LCOR: variants seen among roughly 807,000 people sequenced by gnomAD.
The protein encoded by LCOR is ligand dependent nuclear receptor corepressor.
Under a neutral mutation model 64.4 loss-of-function variants are expected in LCOR, and 14 were observed. The observed-to-expected ratio is 0.22, with a 90% confidence interval of 0.14 to 0.34. The LOEUF (loss-of-function observed/expected upper bound fraction) is 0.34. LCOR is among the 10% of genes least tolerant of loss of function. LCOR has a pLI of 1.00. For missense variants in LCOR, 1,686 were observed against 1,765.3 expected, an observed-to-expected ratio of 0.96 and a Z score of 0.80; for synonymous variants, 643 against 642.5, an observed-to-expected ratio of 1.00 and a Z score of -0.01.
intron 1 of LCOR, chr10:96,833,201 GC>G: frequency 1.0e-6 from 1 of 984,202 alleles, no homozygotes; most frequent in Non-Finnish European, 1.2e-6. Flanking sequence ...GGCGGGGGTC[GC>G]TCTCGTCCCC....
At chr10:96,897,720 A>G (rs894265907) in intron 2 of LCOR, among the ~76,000 whole-genome samples, 1 of 152,046 alleles carries the variant, frequency 6.6e-6, no homozygotes, top group African/African-American at 2.4e-5. Context: ...TATCTTCACT[A>G]TGATTACAGC....
At chr10:96,902,702 C>A (rs1051691790) in intron 2 of LCOR, among the ~76,000 whole-genome samples, 3 of 152,198 alleles carry the variant, frequency 2.0e-5, no homozygotes, top group Non-Finnish European at 4.4e-5. Flanking sequence ...CATCAAGTCA[C>A]ACATCCTGAC....
rs1281960043 is a variant in LCOR at position 96,992,992 on chromosome 10, AGTG to A, written c.*7861_*7863del. 1.3e-5 allele frequency: 2 copies of A among 152,172 alleles called. No homozygotes were observed. The highest frequency in any genetic ancestry group is 2.9e-5 in the Non-Finnish European group (2 of 68,058). 9.4% of individuals were successfully genotyped at this position (152,172 alleles called of 1,614,324 possible). A position where few individuals can be genotyped will look rare whatever the true frequency, so the allele number is the denominator to read the frequency against. ...GATGTGGGCCAGTCCCCCTGTAACC[AGTG>A]GTTACAGAATGATACCATCTGTTCT... On this transcript the variant is annotated 3_prime_UTR_variant, in exon 8 of 8. Coordinates refer to ENST00000421806, the MANE Select transcript of LCOR (RefSeq NM_001346516.2).
chr10:96,882,882 G>GTTAA (rs1846285686), intron 2 of LCOR, among the ~76,000 whole-genome samples: 1 of 151,882 alleles, frequency 6.6e-6, no homozygotes, highest in Admixed American at 6.6e-5. Context: ...TCTTTAATGC[G>GTTAA]TATTACTCCA....
intron 6 of LCOR, among the ~76,000 whole-genome samples, chr10:96,951,774 G>T (rs552820399): frequency 6.6e-6 from 1 of 152,162 alleles, no homozygotes; most frequent in South Asian, 2.1e-4. Context: ...TTAGAAAATG[G>T]AGTCTTAAAA....
At chr10:96,844,687 G>T (rs900892129) in intron 2 of LCOR, among the ~76,000 whole-genome samples, 1 of 151,964 alleles carries the variant, frequency 6.6e-6, no homozygotes, top group African/African-American at 2.4e-5. Context: ...TTCTTATCTT[G>T]TTCAACTGGC....
chr10:96,860,003 T>C (rs1462320518), intron 2 of LCOR, among the ~76,000 whole-genome samples: 1 of 152,166 alleles, frequency 6.6e-6, no homozygotes, highest in Non-Finnish European at 1.5e-5. Context: ...GTGCCCGCTT[T>C]TGGAGAGGGG....
chr10:96,991,877 T>TC lies in LCOR; in HGVS notation c.*6747dup, dbSNP rs1848203729. ...ATATTCTCTGGGACAGTCCCCCACT[T>TC]CCCCAGTGTGGCCCTGAACACAAAT... is the stretch of plus-strand genomic sequence containing the variant. On this transcript the variant is annotated 3_prime_UTR_variant, in exon 8 of 8. Coordinates refer to ENST00000421806, the MANE Select transcript of LCOR (RefSeq NM_001346516.2). The TC allele has an allele frequency of 6.6e-6, 1 of 152,180 alleles. No individual in the cohort carries two copies. Among genetic ancestry groups the TC allele is most frequent in the Non-Finnish European group, 1.5e-5 (1 of 68,034 alleles). The allele number at this position is 152,180 out of a possible 1,614,324, so 9.4% of individuals were successfully genotyped here.
intron 3 of LCOR, 44 bp from the exon 4 acceptor site, chr10:96,907,624 A>T (rs1422328017): frequency 1.4e-6 from 1 of 739,266 alleles, no homozygotes; most frequent in African/African-American, 1.9e-5. Context: ...TTATTTTCCT[A>T]AAAATTCTCT....
rs1848075779 is a variant in LCOR at position 96,980,647 on chromosome 10, G to A, written c.333-146G>A. ...GGATCTCTTTAGGCCAGGAGTTCGA[G>A]ATCAGCCTGGCCAACATAGCGAGAC... On this transcript the variant is annotated intron_variant, in intron 7 of 7. Transcript: ENST00000421806. The A allele has an allele frequency of 1.2e-5, 7 of 566,370 alleles. No individual in the cohort carries two copies. In the East Asian group the frequency reaches 2.0e-4, roughly 17 times the overall value. The allele number at this position is 566,370 out of a possible 1,614,324, so 35.1% of individuals were successfully genotyped here. A position where few individuals can be genotyped will look rare whatever the true frequency, so the allele number is the denominator to read the frequency against.
chr10:96,845,440 G>A (rs1845611027), intron 2 of LCOR, among the ~76,000 whole-genome samples: 1 of 128,364 alleles, frequency 7.8e-6, no homozygotes, highest in Non-Finnish European at 1.6e-5. Context: ...TCTTATAAAT[G>A]GGCTTATCCT....
chr10:96,966,745 T>TC (rs554682443), intron 7 of LCOR, among the ~76,000 whole-genome samples: 1 of 152,180 alleles, frequency 6.6e-6, no homozygotes, highest in South Asian at 2.1e-4. Flanking sequence ...ATGTTGAACT[T>TC]CCGTTGTTTG....
intron 2 of LCOR, among the ~76,000 whole-genome samples, chr10:96,857,633 G>T (rs1845827382): frequency 6.6e-6 from 1 of 151,688 alleles, no homozygotes; most frequent in South Asian, 2.1e-4. Context: ...TTTTACCCAG[G>T]GCTACTTAGA....
chr10:96,985,242 T>C lies in LCOR; in HGVS notation c.*108T>C. ...TTATCAAGCCTTTCAAATTTACAGT[T>C]AATGGAGAACACCGTAATTTGAGAT... On this transcript the variant is annotated 3_prime_UTR_variant, in exon 8 of 8. Coordinates refer to ENST00000421806, the MANE Select transcript of LCOR (RefSeq NM_001346516.2). 1 of 1,331,308 alleles carries C rather than the reference T, an allele frequency of 7.5e-7. No homozygotes were observed. Among genetic ancestry groups the C allele is most frequent in the African/African-American group, 1.5e-5 (1 of 67,678 alleles). The allele number at this position is 1,331,308 out of a possible 1,614,324, so 82.5% of individuals were successfully genotyped here. A position where few individuals can be genotyped will look rare whatever the true frequency, so the allele number is the denominator to read the frequency against.
chr10:96,941,219 C>T (rs1449276819), intron 4 of LCOR, among the ~76,000 whole-genome samples: 2 of 135,030 alleles, frequency 1.5e-5, no homozygotes, highest in Non-Finnish European at 1.6e-5. Context: ...CCGGACGGGG[C>T]GGCTGGCCGG....
Position 96,850,524 on chromosome 10 carries a change from G to T in LCOR, c.-330+17045G>T, listed in dbSNP as rs191897067. ...TTTATTTTTTTGAGACAGCATCTCT[G>T]TCACCCAGGCTGGAGTGCATGGTGT... is the stretch of plus-strand genomic sequence containing the variant. On this transcript the variant is annotated intron_variant, in intron 2 of 7. Transcript: ENST00000421806. 3.9e-5 allele frequency among the ~76,000 whole-genome samples: 6 copies of T among 152,226 alleles called. No homozygotes were observed. In the East Asian group the frequency reaches 7.7e-4, roughly 20 times the overall value.
intron 4 of LCOR, among the ~76,000 whole-genome samples, chr10:96,937,206 T>C (rs1393814638): frequency 6.6e-6 from 1 of 151,822 alleles, no homozygotes; most frequent in Non-Finnish European, 1.5e-5. Flanking sequence ...GAGATTGGAG[T>C]TACACTGCCA....
intron 7 of LCOR, among the ~76,000 whole-genome samples, chr10:96,973,821 C>T (rs1396164786): frequency 1.3e-5 from 2 of 152,130 alleles, no homozygotes; most frequent in Non-Finnish European, 2.9e-5. Flanking sequence ...AGTGATATTG[C>T]CTTTGCTCAT....
Position 96,849,489 on chromosome 10 carries a change from C to T in LCOR, c.-330+16010C>T, listed in dbSNP as rs1016157654. ...CCTCCCGAAGTGCTGTGATTGCAGC[C>T]GCGAGCCACCACGCCCAGCCAGGTT... On this transcript the variant is annotated intron_variant, in intron 2 of 7. Transcript: ENST00000421806. Among the ~76,000 whole-genome samples the T allele has an allele frequency of 1.2e-4, 19 of 152,208 alleles. No homozygotes were observed. In the South Asian group the frequency reaches 3.5e-3, roughly 28 times the overall value.
Sources: gnomAD v4.1 joint callset for allele counts (sites outside exome capture counted in the v4.1 genomes callset) on GRCh38, gnomAD v4.1.1 for gene constraint, MANE v1.5 for transcripts, NCBI Gene and HGNC (gene_info 2026-07-23, HGNC 2026-07-21) for gene names.